Variants in TANGO6 observed in about 807,000 individuals in gnomAD.
TANGO6 encodes the protein transport and Golgi organization protein 6 homolog.
Under a neutral mutation model 114.2 loss-of-function variants are expected in TANGO6, and 90 were observed. The ratio of observed to expected loss-of-function variants is 0.79; its 90% CI spans 0.66 to 0.94. The LOEUF is 0.94. Among genes scored for constraint, TANGO6 ranks in the 40% least tolerant of loss-of-function variants. TANGO6 has a pLI of 0.00. For synonymous variants in TANGO6, 477 were observed against 509.8 expected (o/e 0.94, Z 0.87); for missense variants, 1,274 against 1,315.3 (o/e 0.97, Z 0.49).
chr16:69,042,805 T>C (rs1203202728), intron 17 of TANGO6, among the ~76,000 whole-genome samples: 2 of 152,248 alleles, frequency 1.3e-5, no homozygotes, highest in East Asian at 1.9e-4. Flanking sequence ...TCTACAAAAC[T>C]CTTGGCAAAG....
chr16:68,860,323 C>T lies in TANGO6; in HGVS notation c.534C>T (p.Val178=), dbSNP rs766681277. Residue 178 remains valine, a synonymous_variant, in exon 2 of 18, where the codon GTC becomes GTT. Coordinates refer to ENST00000261778, the MANE Select transcript of TANGO6 (RefSeq NM_024562.2). ...GATATAGAACTGAATTTGGTGCCGT[C>T]GTTCAAGACGTGGTGTGTTTTGATG... ...PLRYRTEFGA[V]VQDVVCFDAA... The T allele has an allele frequency of 5.0e-6, 8 of 1,613,962 alleles. No individual in the cohort carries two copies. In the South Asian group the frequency reaches 6.6e-5, roughly 13 times the overall value.
At chr16:68,929,825 T>G (rs1170974159) in intron 13 of TANGO6, among the ~76,000 whole-genome samples, 1 of 152,214 alleles carries the variant, frequency 6.6e-6, no homozygotes, top group African/African-American at 2.4e-5. Flanking sequence ...CACTTCCATA[T>G]GCTTTGTGAG....
intron 12 of TANGO6, among the ~76,000 whole-genome samples, chr16:68,924,360 C>G (rs1963138795): frequency 6.6e-6 from 1 of 152,034 alleles, no homozygotes; most frequent in Admixed American, 6.6e-5. Flanking sequence ...GTCAGGAGTT[C>G]CAGACCAGAT....
chr16:69,070,746 ATATTATTATTAT>A (rs145226838), intron 17 of TANGO6, among the ~76,000 whole-genome samples: 225 of 141,742 alleles, frequency 1.6e-3, no homozygotes, highest in Non-Finnish European at 2.4e-3. Context: ...GCAAGAATCA[ATATTATTATTAT>A]TATTATTATT....
At chr16:68,968,967 G>A (rs973579869) in intron 14 of TANGO6, among the ~76,000 whole-genome samples, 1 of 152,138 alleles carries the variant, frequency 6.6e-6, no homozygotes, top group Non-Finnish European at 1.5e-5. Context: ...ACCGCGCCTG[G>A]CCACCTAACA....
chr16:68,877,987 AG>A (rs1224006384), intron 5 of TANGO6, 130 bp from the exon 6 acceptor site: 9 of 720,626 alleles, frequency 1.2e-5, no homozygotes, highest in African/African-American at 1.8e-5. Flanking sequence ...TTAAATTAAA[AG>A]AATTCTGTTG....
intron 7 of TANGO6, chr16:68,885,564 G>A (rs1962529029): frequency 1.3e-5 from 2 of 152,216 alleles, no homozygotes; most frequent in African/African-American, 4.8e-5. Flanking sequence ...GGTCTTTTGT[G>A]ATTGGCTTCT....
At chr16:68,921,073 C>T (rs1453767230) in intron 12 of TANGO6, among the ~76,000 whole-genome samples, 7 of 143,332 alleles carry the variant, frequency 4.9e-5, no homozygotes, top group African/African-American at 1.6e-4. Flanking sequence ...GAGCCGAGAT[C>T]GCGCCACTGC....
chr16:68,868,624 A>C (rs192730045), intron 4 of TANGO6, among the ~76,000 whole-genome samples: 75 of 150,056 alleles, frequency 5.0e-4, no homozygotes, highest in African/African-American at 1.8e-3. Flanking sequence ...CAGCCTCCTG[A>C]GTAGCTGGGA....
intron 17 of TANGO6, 61 bp downstream of exon 17, chr16:69,040,482 C>A: frequency 7.1e-7 from 1 of 1,404,154 alleles, no homozygotes; most frequent in Non-Finnish European, 9.9e-7. Flanking sequence ...ATTTCTCAAT[C>A]TTCCTTTTAC....
At position 68,859,901 on chromosome 16, in the gene TANGO6, C is replaced by G; in HGVS notation, c.112C>G (p.Leu38Val). ...LSPGGSGSSS[L>V]QVTKHDVLLA... ...TTCAAAAGGCTCGGGCTCAAGTTCACTACAGGTCACAAAACATGATGTCTT... is the reference window on the plus strand; with the variant it reads ...TTCAAAAGGCTCGGGCTCAAGTTCAGTACAGGTCACAAAACATGATGTCTT... The change falls in exon 2 of 18, where the codon CTA (leucine) becomes GTA (valine). Residue 38 changes from leucine (L) to valine (V), a missense_variant. Physicochemically the swap from Leu to Val is conservative, Grantham distance 32. Around this residue, in one of 5 missense-constraint regions of TANGO6, gnomAD observed 114 missense variants for 104.6 expected, o/e 1.09. Transcript: ENST00000261778. The G allele has an allele frequency of 6.3e-7, 1 of 1,586,384 alleles. No homozygotes were observed. The highest frequency in any genetic ancestry group is 8.6e-7 in the Non-Finnish European group (1 of 1,166,944).
At chr16:69,074,805 TG>T (rs1960348750) in intron 17 of TANGO6, among the ~76,000 whole-genome samples, 1 of 119,302 alleles carries the variant, frequency 8.4e-6, no homozygotes, top group African/African-American at 3.6e-5. Flanking sequence ...TGCCTGTGTG[TG>T]TGTGTGTGTG....
intron 15 of TANGO6, among the ~76,000 whole-genome samples, chr16:69,013,875 C>G (rs1959236569): frequency 6.6e-6 from 1 of 152,068 alleles, no homozygotes; most frequent in Non-Finnish European, 1.5e-5. Context: ...CCAGGCTGCT[C>G]TTGAACTCCT....
chr16:68,887,370 A>T (rs1389372341), intron 7 of TANGO6, among the ~76,000 whole-genome samples: 1 of 152,194 alleles, frequency 6.6e-6, no homozygotes, highest in Admixed American at 6.5e-5. Context: ...ACTGCAGGTT[A>T]TCTGGTTTTT....
At chr16:69,072,442 G>C (rs905362089) in intron 17 of TANGO6, among the ~76,000 whole-genome samples, 1 of 152,068 alleles carries the variant, frequency 6.6e-6, no homozygotes, top group Non-Finnish European at 1.5e-5. Context: ...ATAATGAGAG[G>C]TTTCCGCTGT....
chr16:68,929,111 G>C (rs558186846), intron 13 of TANGO6, among the ~76,000 whole-genome samples: 1 of 151,948 alleles, frequency 6.6e-6, no homozygotes, highest in African/African-American at 2.4e-5. Flanking sequence ...TTGAGATGAG[G>C]TTTCACCATG....
At chr16:69,068,142 GAA>G (rs543085286) in intron 17 of TANGO6, among the ~76,000 whole-genome samples, 1 of 143,396 alleles carries the variant, frequency 7.0e-6, no homozygotes, top group East Asian at 2.0e-4. Context: ...CTCTTGTCTT[GAA>G]AAAAAAAAAA....
At chr16:69,055,657 A>G (rs1854085114) in intron 17 of TANGO6, among the ~76,000 whole-genome samples, 1 of 152,214 alleles carries the variant, frequency 6.6e-6, no homozygotes, top group African/African-American at 2.4e-5. Flanking sequence ...GCCTAGGACT[A>G]TTGCCTAGGA....
At chr16:68,979,075 A>G (rs185549708) in intron 15 of TANGO6, among the ~76,000 whole-genome samples, 1 of 151,548 alleles carries the variant, frequency 6.6e-6, no homozygotes, top group Non-Finnish European at 1.5e-5. Context: ...GTGCGCCACC[A>G]TACCTGGCTA....
Sources: gnomAD v4.1 joint callset for allele counts (sites outside exome capture counted in the v4.1 genomes callset) on GRCh38, gnomAD v4.1.1 for gene constraint, gnomAD v4.1.1 regional missense constraint, MANE v1.5 for transcripts, NCBI Gene and HGNC (gene_info 2026-07-23, HGNC 2026-07-21) for gene names.